The following ANKS1A variants were observed in gnomAD, a reference collection of about 807,000 sequenced individuals.
ANKS1A encodes ankyrin repeat and SAM domain-containing protein 1A.
Under a neutral mutation model 120.3 loss-of-function variants are expected in ANKS1A, and 55 were observed. The observed-to-expected ratio is 0.46, with a 90% confidence interval of 0.37 to 0.57. The LOEUF (loss-of-function observed/expected upper bound fraction) is 0.57. ANKS1A is among the 20% of genes least tolerant of loss of function. The pLI is 0.00. For synonymous variants in ANKS1A, 590 were observed against 604.7 expected, an observed-to-expected ratio of 0.98 and a Z score of 0.36; for missense variants, 1,123 against 1,480.3, an observed-to-expected ratio of 0.76 and a Z score of 3.96.
At chr6:35,068,542 G>A (rs1027085740) in intron 13 of ANKS1A, among the ~76,000 whole-genome samples, 8 of 152,262 alleles carry the variant, frequency 5.3e-5, no homozygotes, top group South Asian at 4.1e-4. Flanking sequence ...CTTGGTTAGC[G>A]GAATCTGCCC....
Position 35,017,623 on chromosome 6 carries a change from A to G in ANKS1A, c.1574A>G (p.Gln525Arg), listed in dbSNP as rs1304575764. 2 of 1,613,718 alleles carry G rather than the reference A, an allele frequency of 1.2e-6. No individual in the cohort carries two copies. Among genetic ancestry groups the G allele is most frequent in the Non-Finnish European group, 1.7e-6 (2 of 1,179,886 alleles). The stretch of plus-strand genomic sequence containing the variant: ...TTCCAGCTGCTCTGTACCGCTGGCC[A>G]GAGCCATCCAGACGGGTCCCCCCAG... The part of the protein sequence containing the change: ...DPFQLLCTAG[Q>R]SHPDGSPQQG... The change falls in exon 11 of 24, where the codon CAG becomes CGG. Residue 525 changes from glutamine (Q) to arginine (R), a missense_variant. Gln to Arg is a conservative substitution (Grantham distance 43). Around this residue, in one of 3 missense-constraint regions of ANKS1A, gnomAD observed 904 missense variants for 1,130.4 expected, o/e 0.80. Transcript: ENST00000360359.
At chr6:35,066,171 T>C (rs1215974419) in intron 13 of ANKS1A, among the ~76,000 whole-genome samples, 1 of 152,114 alleles carries the variant, frequency 6.6e-6, no homozygotes, top group Admixed American at 6.5e-5. Context: ...GAGGACACAG[T>C]GTTATGTGTG....
At chr6:35,079,273 G>T (rs1408903975) in intron 14 of ANKS1A, among the ~76,000 whole-genome samples, 1 of 152,190 alleles carries the variant, frequency 6.6e-6, no homozygotes, top group Non-Finnish European at 1.5e-5. Context: ...ACCTAGGCTT[G>T]TCTGCTAGGG....
intron 3 of ANKS1A, among the ~76,000 whole-genome samples, chr6:34,978,933 T>C (rs1771754425): frequency 6.6e-6 from 1 of 151,178 alleles, no homozygotes; most frequent in South Asian, 2.1e-4. Context: ...TCTTGTTCTG[T>C]CGCCCAGGCT....
At position 35,086,811 on chromosome 6, in the gene ANKS1A, G is replaced by T. The variant is rs1778014582; in HGVS notation, c.3304-141G>T. On this transcript the variant is annotated intron_variant, in intron 22 of 23. Transcript: ENST00000360359. This position sits in a 1 kb window ranked among gnomAD's most constrained non-coding sequence, Gnocchi z 5.1. ...GTCCCTCCTCCGCCTGCCCCCAGGGGCCTGCTCTTTGGCCGAGGAGAATAA... is the reference window on the plus strand; with the variant it reads ...GTCCCTCCTCCGCCTGCCCCCAGGGTCCTGCTCTTTGGCCGAGGAGAATAA... The T allele has an allele frequency of 3.6e-6, 3 of 826,278 alleles. No homozygotes were observed. Among genetic ancestry groups the T allele is most frequent in the Middle Eastern group, 7.1e-4 (2 of 2,824 alleles). 51.2% of individuals were successfully genotyped at this position (826,278 alleles called of 1,614,324 possible). A position where few individuals can be genotyped will look rare whatever the true frequency, so the allele number is the denominator to read the frequency against.
At chr6:35,070,623 G>A (rs1250891778) in intron 13 of ANKS1A, among the ~76,000 whole-genome samples, 2 of 151,474 alleles carry the variant, frequency 1.3e-5, no homozygotes, top group Non-Finnish European at 2.9e-5. Context: ...CCGAGTAGCT[G>A]GGACTACAGG....
Position 35,086,064 on chromosome 6 carries a change from T to C in ANKS1A, c.3303+128T>C. 7.4e-7 allele frequency: 1 copy of C among 1,351,150 alleles called. No homozygotes were observed. Among genetic ancestry groups the C allele is most frequent in the Non-Finnish European group, 9.8e-7 (1 of 1,019,508 alleles). 83.7% of individuals were successfully genotyped at this position (1,351,150 alleles called of 1,614,324 possible). Reference sequence around the variant, plus strand: ...CTGGCCCTCCAGGGAAATGACCCTCTTAATTGTCCCCCAACCCTGCCAGGT... The same window carrying C: ...CTGGCCCTCCAGGGAAATGACCCTCCTAATTGTCCCCCAACCCTGCCAGGT... On this transcript the variant is annotated intron_variant, in intron 22 of 23. Transcript: ENST00000360359. The surrounding 1 kb of genome is among the most constrained non-coding windows in gnomAD (Gnocchi z 5.1).
At chr6:35,080,355 G>A (rs983717471) in intron 16 of ANKS1A, among the ~76,000 whole-genome samples, 2 of 152,198 alleles carry the variant, frequency 1.3e-5, no homozygotes, top group Non-Finnish European at 2.9e-5. Context: ...TGCTCCTGCC[G>A]GTAATTCCTG....
At chr6:34,902,544 G>A (rs1051862672) in intron 1 of ANKS1A, among the ~76,000 whole-genome samples, 37 of 151,962 alleles carry the variant, frequency 2.4e-4, no homozygotes, top group African/African-American at 7.7e-4. Flanking sequence ...TACCGCGCCT[G>A]GCCCAAGTTT....
rs72898254 is a variant in ANKS1A at position 35,078,666 on chromosome 6, G to C, written c.2283+10G>C. On this transcript the variant is annotated intron_variant, in intron 14 of 23. Transcript: ENST00000360359. ...ACGCTCCCTACCCAAGGTGACCATCGCCGGCCCTGTAGCCTCAGCCCGTGC... is the reference window on the plus strand; with the variant it reads ...ACGCTCCCTACCCAAGGTGACCATCCCCGGCCCTGTAGCCTCAGCCCGTGC... 1.9e-3 allele frequency: 2,988 copies of C among 1,600,242 alleles called. 6 individuals are homozygous for C. Among genetic ancestry groups the C allele is most frequent in the Non-Finnish European group, 2.3e-3 (2,655 of 1,179,690 alleles).
intron 17 of ANKS1A, 63 bp downstream of exon 17, chr6:35,081,221 C>T: frequency 6.7e-7 from 1 of 1,496,086 alleles, no homozygotes; most frequent in Non-Finnish European, 8.9e-7. Context: ...GGGACAGGGC[C>T]TCCCAGAACC....
chr6:34,904,197 CTAAT>C (rs1467667589), intron 1 of ANKS1A, among the ~76,000 whole-genome samples: 4 of 152,116 alleles, frequency 2.6e-5, no homozygotes, highest in Non-Finnish European at 5.9e-5. Flanking sequence ...CATCTCCAGT[CTAAT>C]TATAATACCT....
At chr6:34,949,432 C>A (rs1769960529) in intron 1 of ANKS1A, among the ~76,000 whole-genome samples, 1 of 152,122 alleles carries the variant, frequency 6.6e-6, no homozygotes. Context: ...AGAAGGAAAA[C>A]CTGATTAGTT....
intron 10 of ANKS1A, among the ~76,000 whole-genome samples, chr6:34,995,488 G>A (rs1187508329): frequency 6.6e-6 from 1 of 152,002 alleles, no homozygotes; most frequent in Non-Finnish European, 1.5e-5. Context: ...TTTGACAGAT[G>A]GAGTTGTATA....
At chr6:34,994,535 T>G (rs1772748899) in intron 10 of ANKS1A, 113 bp downstream of exon 10, 2 of 1,470,016 alleles carry the variant, frequency 1.4e-6, no homozygotes, top group Admixed American at 3.8e-5. Flanking sequence ...GTTGTGGTGG[T>G]TGGGTTTCAC....
intron 13 of ANKS1A, among the ~76,000 whole-genome samples, chr6:35,074,622 G>A (rs912629237): frequency 4.6e-5 from 7 of 152,198 alleles, no homozygotes; most frequent in African/African-American, 1.7e-4. Context: ...TGCAACAGCA[G>A]ACGTTAGATT....
intron 11 of ANKS1A, 106 bp downstream of exon 11, chr6:35,018,165 G>A (rs1160102394): frequency 8.5e-7 from 1 of 1,172,124 alleles, no homozygotes; most frequent in East Asian, 2.4e-5. Context: ...GGGCAAGGTT[G>A]CTCTGGTTCC....
At chr6:34,897,617 G>A (rs966300906) in intron 1 of ANKS1A, among the ~76,000 whole-genome samples, 1 of 152,126 alleles carries the variant, frequency 6.6e-6, no homozygotes, top group Non-Finnish European at 1.5e-5. Context: ...ATTTTCTGTG[G>A]TAGAGAAAAT....
intron 1 of ANKS1A, among the ~76,000 whole-genome samples, chr6:34,903,205 G>C (rs1363711075): frequency 6.6e-6 from 1 of 152,142 alleles, no homozygotes; most frequent in Non-Finnish European, 1.5e-5. Context: ...CCCATTTCCA[G>C]TAACTTCTGT....
Sources: allele counts gnomAD v4.1 joint callset (sites outside exome capture counted in the v4.1 genomes callset), GRCh38; gene constraint gnomAD v4.1.1; regional missense constraint gnomAD v4.1.1; non-coding constraint Gnocchi (gnomAD v3.1); transcripts MANE v1.5; gene names NCBI Gene and HGNC (gene_info 2026-07-23, HGNC 2026-07-21).